The following DEPDC1B variants were observed in gnomAD, a reference collection of about 807,000 sequenced individuals.
DEPDC1B encodes DEP domain-containing protein 1B.
Under a neutral mutation model 66.5 loss-of-function variants are expected in DEPDC1B, and 51 were observed. The ratio of observed to expected loss-of-function variants is 0.77; its 90% confidence interval spans 0.61 to 0.97. The LOEUF is 0.97. DEPDC1B is among the 50% of genes least tolerant of loss of function. The pLI is 0.00. For missense variants in DEPDC1B, 552 were observed against 637.1 expected (o/e 0.87, Z 1.44); for synonymous variants, 226 against 223.6 (o/e 1.01, Z -0.10).
At chr5:60,663,648 GC>G (rs1441414080) in intron 2 of DEPDC1B, among the ~76,000 whole-genome samples, 1 of 152,156 alleles carries the variant, frequency 6.6e-6, no homozygotes, top group African/African-American at 2.4e-5. Flanking sequence ...TTCAGGGATA[GC>G]CCCCATCTAT....
At chr5:60,607,202 A>C (rs1752328036) in intron 7 of DEPDC1B, among the ~76,000 whole-genome samples, 1 of 152,212 alleles carries the variant, frequency 6.6e-6, no homozygotes, top group African/African-American at 2.4e-5. Flanking sequence ...GTAAAGCTAG[A>C]AAGATCAACA....
At chr5:60,611,560 A>G (rs1486062544) in intron 7 of DEPDC1B, among the ~76,000 whole-genome samples, 1 of 152,244 alleles carries the variant, frequency 6.6e-6, no homozygotes, top group Admixed American at 6.5e-5. Context: ...AAAGTTCTTG[A>G]AAGAGACTAA....
intron 7 of DEPDC1B, among the ~76,000 whole-genome samples, chr5:60,629,524 ATT>A (rs1561365717): frequency 1.3e-5 from 2 of 152,280 alleles, no homozygotes; most frequent in African/African-American, 4.8e-5. Context: ...ATTGTAAAAA[ATT>A]TGTTTCTTTT....
At chr5:60,623,004 T>C (rs1752739553) in intron 7 of DEPDC1B, among the ~76,000 whole-genome samples, 1 of 152,172 alleles carries the variant, frequency 6.6e-6, no homozygotes, top group South Asian at 2.1e-4. Context: ...ATGAAGTCTA[T>C]TTGATGTAAT....
At chr5:60,685,602 G>A (rs1754394822) in intron 2 of DEPDC1B, among the ~76,000 whole-genome samples, 2 of 152,030 alleles carry the variant, frequency 1.3e-5, no homozygotes, top group Non-Finnish European at 2.9e-5. Context: ...TACTCTGCTG[G>A]GACTCATAAA....
intron 2 of DEPDC1B, among the ~76,000 whole-genome samples, chr5:60,679,242 T>C (rs1754237176): frequency 6.6e-6 from 1 of 152,206 alleles, no homozygotes; most frequent in African/African-American, 2.4e-5. Context: ...CTCTATTCTG[T>C]ACCACTGATC....
chr5:60,610,974 T>C (rs1752404334), intron 7 of DEPDC1B, among the ~76,000 whole-genome samples: 1 of 152,216 alleles, frequency 6.6e-6, no homozygotes, highest in South Asian at 2.1e-4. Flanking sequence ...CCTATTAATA[T>C]ACAGGTATAA....
intron 2 of DEPDC1B, among the ~76,000 whole-genome samples, chr5:60,674,797 G>C (rs1317994168): frequency 6.6e-6 from 1 of 152,104 alleles, no homozygotes; most frequent in Non-Finnish European, 1.5e-5. Flanking sequence ...AACCATAAAG[G>C]AATTTGGAGA....
At chr5:60,612,594 T>C (rs1039815297) in intron 7 of DEPDC1B, among the ~76,000 whole-genome samples, 1 of 151,476 alleles carries the variant, frequency 6.6e-6, no homozygotes, top group African/African-American at 2.4e-5. Flanking sequence ...TCCTGATTTT[T>C]ATGCTTGTCT....
chr5:60,653,169 C>A lies in DEPDC1B; in HGVS notation c.315-5636G>T, dbSNP rs112222086. ...TCAAATGGCAGATTTACTTTAAGTTCTTTAAGGAATCTCCATCCACACTGT... is the reference window on the plus strand; with the variant it reads ...TCAAATGGCAGATTTACTTTAAGTTATTTAAGGAATCTCCATCCACACTGT... On this transcript the variant is annotated intron_variant, in intron 2 of 10. Transcript: ENST00000265036. Among the ~76,000 whole-genome samples, 349 of 149,328 alleles carry A rather than the reference C, an allele frequency of 2.3e-3. 48 individuals carry two copies. The highest frequency in any genetic ancestry group is 8.7e-3 in the African/African-American group (346 of 39,750).
chr5:60,599,085 TTCTTCTTTTTC>T lies in DEPDC1B; in HGVS notation c.1407_1417del (p.Lys470ThrfsTer10). On this transcript the variant is annotated frameshift_variant, in exon 10 of 11. Transcript: ENST00000265036. LOFTEE classifies it high-confidence loss of function. ...AGAATATCCTTTTACCTGCTTCAGT[TTCTTCTTTTTC>T]TCTTTGTTGGAGAGTTTGGCATCTG... is the stretch of plus-strand genomic sequence containing the variant. 2 of 1,588,816 alleles carry T rather than the reference TTCTTCTTTTTC, an allele frequency of 1.3e-6. No homozygotes were observed. The highest frequency in any genetic ancestry group is 2.7e-5 in the African/African-American group (2 of 73,134).
intron 2 of DEPDC1B, among the ~76,000 whole-genome samples, chr5:60,679,946 G>A (rs1458939390): frequency 6.6e-6 from 1 of 152,148 alleles, no homozygotes; most frequent in Non-Finnish European, 1.5e-5. Flanking sequence ...AACATTCTTG[G>A]TGTTTTGTTT....
intron 7 of DEPDC1B, among the ~76,000 whole-genome samples, chr5:60,629,285 GAA>G (rs1752871423): frequency 6.6e-6 from 1 of 152,168 alleles, no homozygotes; most frequent in Non-Finnish European, 1.5e-5. Flanking sequence ...TGAGTGCTGT[GAA>G]TAATGTGTCA....
At chr5:60,610,078 A>G (rs1006920770) in intron 7 of DEPDC1B, among the ~76,000 whole-genome samples, 25 of 152,188 alleles carry the variant, frequency 1.6e-4, no homozygotes, top group Non-Finnish European at 3.2e-4. Context: ...TCCCATGGCT[A>G]GAAAAATACC....
At chr5:60,619,575 C>T (rs1404179858) in intron 7 of DEPDC1B, among the ~76,000 whole-genome samples, 1 of 152,178 alleles carries the variant, frequency 6.6e-6, no homozygotes, top group Non-Finnish European at 1.5e-5. Flanking sequence ...AGGAATCCAA[C>T]TTACAAGGGA....
chr5:60,681,259 C>G (rs1182332457), intron 2 of DEPDC1B, among the ~76,000 whole-genome samples: 2 of 152,186 alleles, frequency 1.3e-5, no homozygotes, highest in Non-Finnish European at 2.9e-5. Context: ...ACCTTGCCCA[C>G]TACCACCACC....
intron 7 of DEPDC1B, among the ~76,000 whole-genome samples, chr5:60,632,016 G>A (rs906931269): frequency 6.6e-6 from 1 of 152,202 alleles, no homozygotes; most frequent in Non-Finnish European, 1.5e-5. Flanking sequence ...GATGTCCTGT[G>A]CTGATGAGGA....
intron 7 of DEPDC1B, among the ~76,000 whole-genome samples, chr5:60,613,201 T>C (rs1752459469): frequency 6.6e-6 from 1 of 152,150 alleles, no homozygotes; most frequent in Non-Finnish European, 1.5e-5. Flanking sequence ...AATCTTCAGC[T>C]TTAAGGGGGC....
chr5:60,666,092 T>C (rs553402325), intron 2 of DEPDC1B, among the ~76,000 whole-genome samples: 1 of 152,316 alleles, frequency 6.6e-6, no homozygotes, highest in East Asian at 1.9e-4. Context: ...ACCACTGTTG[T>C]TTGCCACTGT....
Sources: allele counts gnomAD v4.1 joint callset (sites outside exome capture counted in the v4.1 genomes callset), GRCh38; gene constraint gnomAD v4.1.1; transcripts MANE v1.5; gene names NCBI Gene and HGNC (gene_info 2026-07-23, HGNC 2026-07-21).